The following HDHD2 variants were observed in gnomAD, a reference collection of about 807,000 sequenced individuals.
HDHD2 encodes the protein haloacid dehalogenase-like hydrolase domain-containing protein 2.
Under a neutral mutation model 24.8 loss-of-function variants are expected in HDHD2, and 26 were observed. The observed-to-expected ratio is 1.05, with a 90% confidence interval of 0.77 to 1.45. The LOEUF (loss-of-function observed/expected upper bound fraction) is 1.45. Ranked by LOEUF, HDHD2 falls within the 40% of genes most tolerant of loss-of-function variation. The probability of loss-of-function intolerance (pLI) is 0.00; values close to 1 mark genes in which losing one functional copy is unlikely to be tolerated. For missense variants in HDHD2, 299 were observed against 313.4 expected (o/e 0.95, Z 0.35); for synonymous variants, 128 against 114.9 (o/e 1.11, Z -0.73).
intron 1 of HDHD2, chr18:47,137,249 A>G: frequency 1.7e-6 from 1 of 573,964 alleles, no homozygotes; most frequent in South Asian, 1.6e-5. Context: ...ACATTTGGAA[A>G]TGGAGGCTGA....
At chr18:47,129,986 T>C (rs1280850858) in intron 4 of HDHD2, among the ~76,000 whole-genome samples, 1 of 152,116 alleles carries the variant, frequency 6.6e-6, no homozygotes, top group African/African-American at 2.4e-5. Context: ...TGAGCCATGA[T>C]GATGTCACTG....
chr18:47,116,479 G>A lies in HDHD2; in HGVS notation c.396-1131C>T, dbSNP rs527972630. Among the ~76,000 whole-genome samples the A allele has an allele frequency of 9.8e-5, 15 of 152,302 alleles. No individual in the cohort carries two copies. In the South Asian group the frequency reaches 2.3e-3, roughly 23 times the overall value. On this transcript the variant is annotated intron_variant, in intron 4 of 6. Transcript: ENST00000300605. ...CTTCCTGTGGGAGATGCAGAATTCA[G>A]ACATTTATGATTAAATATTTTATTA...
Position 47,108,557 on chromosome 18 carries a change from CAA to C in HDHD2, c.*123_*124del, listed in dbSNP as rs1197817494. On this transcript the variant is annotated 3_prime_UTR_variant, in exon 7 of 7. Transcript: ENST00000300605. The stretch of plus-strand genomic sequence containing the variant: ...ACCTTTCTTTCTAATTAATGCACAA[CAA>C]AAGAGGGTTAAAAAGCGATCAGCAC... 7.6e-6 allele frequency: 4 copies of C among 529,726 alleles called. No individual in the cohort carries two copies. Among genetic ancestry groups the C allele is most frequent in the Non-Finnish European group, 1.3e-5 (4 of 301,778 alleles). 32.8% of individuals were successfully genotyped at this position (529,726 alleles called of 1,614,324 possible).
chr18:47,135,258 C>CTTTTTTTTTTTTT (rs904719955), intron 2 of HDHD2, among the ~76,000 whole-genome samples: 1 of 128,330 alleles, frequency 7.8e-6, no homozygotes, highest in African/African-American at 2.9e-5. Flanking sequence ...TAGATTTTTT[C>CTTTTTTTTTTTTT]TTTTTTTTTT....
chr18:47,115,034 C>T, intron 5 of HDHD2, 98 bp downstream of exon 5: 2 of 808,198 alleles, frequency 2.5e-6, no homozygotes, highest in South Asian at 3.2e-5. Flanking sequence ...TCCACATTGT[C>T]AGTAACAGAA....
In HDHD2 at chr18:47,113,030, T is replaced by C; in HGVS notation, c.623A>G (p.Asp208Gly). Residue 208 changes from aspartate (D) to glycine (G), a missense_variant, in exon 6 of 7, where the codon GAT becomes GGT. Coordinates refer to ENST00000300605, the MANE Select transcript of HDHD2 (RefSeq NM_032124.5). ...GACATCTTGAGCCCCACCAACATCA[T>C]CCCTGCAATCCTAGAAAAGCATAAA... ...EAVMIGDDCR[D>G]DVGGAQDVGM... 6.2e-7 allele frequency: 1 copy of C among 1,614,050 alleles called. No homozygotes were observed. The highest frequency in any genetic ancestry group is 8.5e-7 in the Non-Finnish European group (1 of 1,179,950).
At chr18:47,123,462 C>T (rs2144315459) in intron 4 of HDHD2, among the ~76,000 whole-genome samples, 1 of 152,198 alleles carries the variant, frequency 6.6e-6, no homozygotes, top group South Asian at 2.1e-4. Context: ...GTGGCGCATG[C>T]TTGTACTCCC....
At chr18:47,125,792 CA>C (rs2063653477) in intron 4 of HDHD2, among the ~76,000 whole-genome samples, 1 of 152,076 alleles carries the variant, frequency 6.6e-6, no homozygotes, top group Non-Finnish European at 1.5e-5. Flanking sequence ...TCTTGATCAC[CA>C]AATGGGGGTT....
At chr18:47,127,479 T>C (rs1003478104) in intron 4 of HDHD2, among the ~76,000 whole-genome samples, 1 of 152,172 alleles carries the variant, frequency 6.6e-6, no homozygotes, top group Non-Finnish European at 1.5e-5. Context: ...TTTAAACTTT[T>C]CCACGATGAG....
At chr18:47,129,017 T>C (rs2063687036) in intron 4 of HDHD2, among the ~76,000 whole-genome samples, 1 of 152,170 alleles carries the variant, frequency 6.6e-6, no homozygotes, top group Non-Finnish European at 1.5e-5. Flanking sequence ...TTTTATAGCA[T>C]TCTTGCAGTT....
intron 4 of HDHD2, among the ~76,000 whole-genome samples, chr18:47,118,269 T>C (rs1201593364): frequency 1.3e-5 from 2 of 152,270 alleles, no homozygotes; most frequent in Admixed American, 6.5e-5. Flanking sequence ...CAAAGGAATA[T>C]AGATCATTCT....
intron 2 of HDHD2, among the ~76,000 whole-genome samples, chr18:47,135,180 C>T (rs546253156): frequency 6.6e-6 from 1 of 152,024 alleles, no homozygotes; most frequent in African/African-American, 2.4e-5. Context: ...GAAAGGTAAG[C>T]TCCTTGAAAG....
At chr18:47,109,925 G>GT (rs770101200) in intron 6 of HDHD2, 99 of 957,642 alleles carry the variant, frequency 1.0e-4, no homozygotes, top group Non-Finnish European at 1.2e-4. Context: ...CTAGCACATA[G>GT]TAACTATCCT....
chr18:47,127,710 CAA>C (rs1235418525), intron 4 of HDHD2, among the ~76,000 whole-genome samples: 6 of 62,478 alleles, frequency 9.6e-5, no homozygotes, highest in Admixed American at 1.8e-4. Context: ...GACTTGGTCT[CAA>C]AAAAAAAAAA....
intron 4 of HDHD2, among the ~76,000 whole-genome samples, chr18:47,125,028 G>A (rs1196170073): frequency 6.6e-6 from 1 of 151,948 alleles, no homozygotes; most frequent in Non-Finnish European, 1.5e-5. Context: ...CAGGTGTAGT[G>A]GCACACATCT....
At chr18:47,110,673 A>G in intron 6 of HDHD2, 2 of 985,372 alleles carry the variant, frequency 2.0e-6, no homozygotes, top group Non-Finnish European at 2.4e-6. Context: ...CGTTGAGTGA[A>G]TGGAGCTGCC....
rs16958704 is a variant in HDHD2 at position 47,130,061 on chromosome 18, T to G, written c.395+183A>C. 6.8e-3 allele frequency among the ~76,000 whole-genome samples: 1,029 copies of G among 152,210 alleles called. 6 individuals carry two copies. The highest frequency in any genetic ancestry group is 0.022 in the African/African-American group (934 of 41,528). ...AACAAAATAAAAACAAAAAACATAC[T>G]ACTCACACAAAAAAGTCAAGATAGT... On this transcript the variant is annotated intron_variant, in intron 4 of 6. Transcript: ENST00000300605.
intron 4 of HDHD2, among the ~76,000 whole-genome samples, chr18:47,124,270 C>T (rs944695202): frequency 6.6e-6 from 1 of 152,098 alleles, no homozygotes; most frequent in African/African-American, 2.4e-5. Context: ...TTAAACAAAA[C>T]AGAAGAAAAT....
chr18:47,135,363 G>A (rs1312177364), intron 2 of HDHD2, among the ~76,000 whole-genome samples: 1 of 150,448 alleles, frequency 6.6e-6, no homozygotes, highest in East Asian at 2.0e-4. Context: ...CCAGGTTCAA[G>A]TGATTCTCCT....
Sources: gnomAD v4.1 joint callset for allele counts (sites outside exome capture counted in the v4.1 genomes callset) on GRCh38, gnomAD v4.1.1 for gene constraint, MANE v1.5 for transcripts, NCBI Gene and HGNC (gene_info 2026-07-23, HGNC 2026-07-21) for gene names.